ZNF630: variants seen among roughly 807,000 people sequenced by gnomAD.
The protein encoded by ZNF630 is dJ54B20.2 (novel KRAB box containing C2H2 type zinc finger protein).
Under a neutral mutation model 7.2 loss-of-function variants are expected in ZNF630, and 5 were observed. The observed-to-expected ratio is 0.70, with a 90% CI of 0.36 to 1.46. The LOEUF is 1.46. Ranked by LOEUF, ZNF630 falls within the 40% of genes most tolerant of loss-of-function variation. The pLI, the probability that ZNF630 is intolerant of heterozygous loss-of-function variation, is 0.03. For synonymous variants in ZNF630, 158 were observed against 162.8 expected (o/e 0.97, Z 0.23); for missense variants, 461 against 477.0 (o/e 0.97, Z 0.31).
chrX:48,071,535 G>A lies in ZNF630; in HGVS notation c.-444C>T, dbSNP rs992611011. On this transcript the variant is annotated 5_prime_UTR_variant, in exon 1 of 5. Coordinates refer to ENST00000276054, the MANE Select transcript of ZNF630 (RefSeq NM_001282201.2). ...TTCCAGCCAGAGGAGAGGTGCGTTTGGGGGCCCGGGGGAGTCCTCGTGATA... is the reference window on the plus strand; with the variant it reads ...TTCCAGCCAGAGGAGAGGTGCGTTTAGGGGCCCGGGGGAGTCCTCGTGATA... The A allele has an allele frequency of 8.1e-5, 9 of 111,409 alleles. 1 individual carries two copies. The highest frequency in any genetic ancestry group is 2.9e-4 in the African/African-American group (9 of 30,568). The allele number at this position is 111,409 out of a possible 1,213,427, so 9.2% of individuals were successfully genotyped here. A position where few individuals can be genotyped will look rare whatever the true frequency, so the allele number is the denominator to read the frequency against.
At chrX:48,063,991 T>TA (rs1556909643) in intron 2 of ZNF630, among the ~76,000 whole-genome samples, 2 of 111,622 alleles carry the variant, frequency 1.8e-5, no homozygotes, top group African/African-American at 6.5e-5. Flanking sequence ...CCTACACAAA[T>TA]ACTTCACAAA....
In ZNF630 at chrX:48,059,728, A is replaced by T; in HGVS notation, c.714T>A (p.Ser238Arg). The stretch of plus-strand genomic sequence containing the variant: ...TATGACTGAGAACTTTTTCACATTG[A>T]CTATCTCCATAGGGCTCCATTCCAG... ...IHTGMEPYGD[S>R]QCEKVLSHKQ... The change falls in exon 5 of 5, where the codon AGT becomes AGA. Residue 238 changes from serine (S) to arginine (R), a missense_variant. By Grantham distance (110) the Ser-to-Arg change is moderately radical. Transcript: ENST00000276054. 1 of 1,208,164 alleles carries T rather than the reference A, an allele frequency of 8.3e-7. No individual in the cohort carries two copies. The highest frequency in any genetic ancestry group is 1.1e-6 in the Non-Finnish European group (1 of 893,160).
At chrX:48,064,956 C>A (rs1569421625) in intron 2 of ZNF630, among the ~76,000 whole-genome samples, 1 of 111,968 alleles carries the variant, frequency 8.9e-6, no homozygotes. Context: ...ATAGTTGCAA[C>A]AGGGGCCGTA....
At chrX:48,065,698 T>A (rs1320698127) in intron 2 of ZNF630, among the ~76,000 whole-genome samples, 3 of 107,108 alleles carry the variant, frequency 2.8e-5, no homozygotes, top group African/African-American at 6.9e-5. Context: ...AAAAAAAAAA[T>A]TTAAGATGGA....
Position 48,059,471 on chromosome X carries a change from T to C in ZNF630, c.971A>G (p.Tyr324Cys), listed in dbSNP as rs1556908638. Residue 324 changes from tyrosine (Y) to cysteine (C), a missense_variant, in exon 5 of 5, where the codon TAT becomes TGT. Coordinates refer to ENST00000276054, the MANE Select transcript of ZNF630 (RefSeq NM_001282201.2). ...TGACTTCCGGGAGAATGCTCTTCCA[T>C]ACTTAGTACATTCATAGGGTTTCTC... is the stretch of plus-strand genomic sequence containing the variant. ...TGEKPYECTK[Y>C]GRAFSRKSPF... 5.0e-6 allele frequency: 6 copies of C among 1,207,834 alleles called. No individual in the cohort carries two copies. The East Asian group carries it at 1.8e-4, about 36-fold the overall frequency.
At chrX:48,063,131 G>A (rs1424515970) in intron 2 of ZNF630, among the ~76,000 whole-genome samples, 4 of 109,272 alleles carry the variant, frequency 3.7e-5, no homozygotes, top group Admixed American at 9.8e-5. Flanking sequence ...AGTACCTAGC[G>A]AATACCAAGC....
chrX:48,062,425 T>C lies in ZNF630; in HGVS notation c.16-1480A>G, dbSNP rs190118715. Among the ~76,000 whole-genome samples, 19 of 112,409 alleles carry C rather than the reference T, an allele frequency of 1.7e-4. No homozygotes were observed. The East Asian group carries it at 4.5e-3, about 26-fold the overall frequency. ...ACAATCTCCATAAGGGAATACTATATGCAATTATAAAAAGCAACAAAGAAG... is the reference window on the plus strand; with the variant it reads ...ACAATCTCCATAAGGGAATACTATACGCAATTATAAAAAGCAACAAAGAAG... On this transcript the variant is annotated intron_variant, in intron 2 of 4. Transcript: ENST00000276054.
At position 48,058,869 on chromosome X, in the gene ZNF630, A is replaced by C; in HGVS notation, c.1573T>G (p.Ser525Ala). 1.7e-6 allele frequency: 2 copies of C among 1,205,949 alleles called. No individual in the cohort carries two copies. Among genetic ancestry groups the C allele is most frequent in the Non-Finnish European group, 2.2e-6 (2 of 892,632 alleles). ...TGAATAATGAGGAGTGATTTCTGGG[A>C]GAAGGTTTTGCCACATTCACCACAC... ...YQCGECGKTFSQKSLLIIHLR... is the reference protein window; with the variant it reads ...YQCGECGKTFAQKSLLIIHLR... The change falls in exon 5 of 5, where the codon TCC becomes GCC. Residue 525 changes from serine to alanine, a missense_variant. Ser to Ala is a moderately conservative substitution (Grantham distance 99, BLOSUM62 1). Transcript: ENST00000276054.
intron 2 of ZNF630, 155 bp downstream of exon 2, chrX:48,066,717 G>A (rs1556910141): frequency 1.5e-6 from 1 of 655,006 alleles, no homozygotes; most frequent in Non-Finnish European, 2.3e-6. Context: ...TTTTAGCTAA[G>A]TTTCTATGAA....
intron 3 of ZNF630, 60 bp from the exon 4 acceptor site, chrX:48,060,605 G>T: frequency 9.7e-7 from 1 of 1,031,406 alleles, no homozygotes; most frequent in East Asian, 3.1e-5. Context: ...ATGAAGAGAA[G>T]CACTTGCAGG....
intron 1 of ZNF630, among the ~76,000 whole-genome samples, chrX:48,070,670 A>G (rs1057312749): frequency 1.2e-4 from 13 of 109,268 alleles, no homozygotes; most frequent in African/African-American, 1.7e-4. Context: ...CAGAGAGTCC[A>G]ACAGAAAAAT....
intron 2 of ZNF630, among the ~76,000 whole-genome samples, chrX:48,064,444 A>G (rs2059120620): frequency 9.0e-6 from 1 of 111,305 alleles, no homozygotes; most frequent in East Asian, 2.8e-4. Flanking sequence ...GTGTTTTTCA[A>G]TGGCCCACAA....
At position 48,060,096 on chromosome X, in the gene ZNF630, A is replaced by T. The variant is rs193081656; in HGVS notation, c.346T>A (p.Leu116Ile). ...APKDNSLYSV[L>I]KIWHIDNQMD... ...TGATTATCAATATGCCAGATTTTTA[A>T]AACAGAGTACAATGAATTATCCTTT... is the stretch of plus-strand genomic sequence containing the variant. Residue 116 changes from leucine (L) to isoleucine (I), a missense_variant, in exon 5 of 5, where the codon TTA (leucine) becomes ATA (isoleucine). Leu to Ile is a conservative substitution (Grantham distance 5). Coordinates refer to ENST00000276054, the MANE Select transcript of ZNF630 (RefSeq NM_001282201.2). 9.6e-3 allele frequency: 11,398 copies of T among 1,190,487 alleles called. 98 individuals are homozygous for T. Among genetic ancestry groups the T allele is most frequent in the Non-Finnish European group, 0.011 (9,313 of 883,670 alleles).
In ZNF630 at chrX:48,070,376, C is replaced by T. The variant is rs372505794; in HGVS notation, c.-176+891G>A. ...CTGTAATCCCAGCACTTTGGGAGGC[C>T]GAGGTGGGTGTATCACCTGAGGTCA... On this transcript the variant is annotated intron_variant, in intron 1 of 4. Coordinates refer to ENST00000276054, the MANE Select transcript of ZNF630 (RefSeq NM_001282201.2). Among the ~76,000 whole-genome samples, 22 of 107,521 alleles carry T rather than the reference C, an allele frequency of 2.0e-4. No individual in the cohort carries two copies. The East Asian group carries it at 2.1e-3, about 10-fold the overall frequency. 93.4% of individuals were successfully genotyped at this position (107,521 alleles called of 115,157 possible).
Position 48,060,625 on chromosome X carries a change from G to A in ZNF630, c.143-80C>T, listed in dbSNP as rs1365878919. 7.5e-5 allele frequency: 73 copies of A among 977,133 alleles called. No homozygotes were observed. The Middle Eastern group carries it at 8.1e-4, about 11-fold the overall frequency. The allele number at this position is 977,133 out of a possible 1,213,427, so 80.5% of individuals were successfully genotyped here. On this transcript the variant is annotated intron_variant, in intron 3 of 4. Coordinates refer to ENST00000276054, the MANE Select transcript of ZNF630 (RefSeq NM_001282201.2). The stretch of plus-strand genomic sequence containing the variant: ...GAGAAGCACTTGCAGGGGCCTCCCA[G>A]CAAAGTTGGATCCTTAACTCACACC...
At chrX:48,068,295 G>A (rs1047569360) in intron 1 of ZNF630, among the ~76,000 whole-genome samples, 1 of 106,773 alleles carries the variant, frequency 9.4e-6, no homozygotes, top group Non-Finnish European at 1.9e-5. Flanking sequence ...AAGGAAGGAA[G>A]GAAGAAAGGG....
chrX:48,060,823 G>A lies in ZNF630; in HGVS notation c.138C>T (p.Ser46=), dbSNP rs781822284. ...VMLETYNHLV[S]VGCSGIKPDV... is the part of the protein sequence containing the mutation. ...ACACAGGGAATCTGCCCTTACCCAC[G>A]GAGACCAGGTGATTATAGGTCTCCA... is the stretch of plus-strand genomic sequence containing the variant. Residue 46 remains serine, a synonymous_variant, in exon 3 of 5, where the codon TCC becomes TCT. Coordinates refer to ENST00000276054, the MANE Select transcript of ZNF630 (RefSeq NM_001282201.2). 6 of 1,195,658 alleles carry A rather than the reference G, an allele frequency of 5.0e-6. No individual in the cohort carries two copies. The highest frequency in any genetic ancestry group is 1.8e-5 in the African/African-American group (1 of 56,539).
In ZNF630 at chrX:48,060,101, G is replaced by C; in HGVS notation, c.341C>G (p.Ser114Cys). 1 of 1,188,192 alleles carries C rather than the reference G, an allele frequency of 8.4e-7. No individual in the cohort carries two copies. The highest frequency in any genetic ancestry group is 1.1e-6 in the Non-Finnish European group (1 of 881,740). The change falls in exon 5 of 5, where the codon TCT (serine) becomes TGT (cysteine). Residue 114 changes from serine (S) to cysteine (C), a missense_variant. Transcript: ENST00000276054. The part of the protein sequence containing the change: ...ERAPKDNSLY[S>C]VLKIWHIDNQ... Reference sequence around the variant, plus strand: ...ATCAATATGCCAGATTTTTAAAACAGAGTACAATGAATTATCCTTTGGGGC... The same window carrying C: ...ATCAATATGCCAGATTTTTAAAACACAGTACAATGAATTATCCTTTGGGGC...
intron 1 of ZNF630, among the ~76,000 whole-genome samples, chrX:48,067,714 T>C (rs782270793): frequency 3.6e-5 from 4 of 110,410 alleles, no homozygotes; most frequent in Non-Finnish European, 3.8e-5. Context: ...GGTGGGCAAA[T>C]TGCTTGAGCC....
Sources: allele counts gnomAD v4.1 joint callset (sites outside exome capture counted in the v4.1 genomes callset), GRCh38; gene constraint gnomAD v4.1.1; transcripts MANE v1.5; gene names NCBI Gene and HGNC (gene_info 2026-07-23, HGNC 2026-07-21).